The following NAV3 variants were observed in gnomAD, a reference collection of about 807,000 sequenced individuals.
NAV3 encodes pore membrane and/or filament interacting like protein 1.
NAV3 carries 87 observed loss-of-function variants against 244.7 expected under a neutral mutation model. The ratio of observed to expected loss-of-function variants is 0.36; its 90% CI spans 0.30 to 0.42. NAV3 has a LOEUF of 0.42. NAV3 is among the 20% of genes least tolerant of loss of function. NAV3 has a pLI of 1.00. For missense variants in NAV3, 2,663 were observed against 2,893.3 expected (o/e 0.92, Z 1.83); for synonymous variants, 1,126 against 1,042.2 (o/e 1.08, Z -1.55).
At chr12:77,917,807 C>T (rs556538031) in intron 1 of NAV3, among the ~76,000 whole-genome samples, 2 of 152,110 alleles carry the variant, frequency 1.3e-5, no homozygotes, top group East Asian at 3.9e-4. Flanking sequence ...AACGTTTCAG[C>T]CCATAGCCCC....
chr12:77,726,063 T>C (rs987115186), intron 2 of NAV3, among the ~76,000 whole-genome samples: 6 of 85,836 alleles, frequency 7.0e-5, no homozygotes, highest in Admixed American at 2.3e-4. Flanking sequence ...GGTCAACCGA[T>C]TAGCAATCTT....
Position 77,837,688 on chromosome 12 carries a change from G to C in NAV3, c.243+5984G>C, listed in dbSNP as rs562681165. Among the ~76,000 whole-genome samples, 4 of 152,202 alleles carry C rather than the reference G, an allele frequency of 2.6e-5. No individual in the cohort carries two copies. The East Asian group carries it at 7.7e-4, about 29-fold the overall frequency. On this transcript the variant is annotated intron_variant, in intron 1 of 39. Transcript: ENST00000397909. Reference sequence around the variant, plus strand: ...CACTGCAGCAATAAATACTTCTTTCGGGGTTAGGGAAAGGGAAGGAGGACT... The same window carrying C: ...CACTGCAGCAATAAATACTTCTTTCCGGGTTAGGGAAAGGGAAGGAGGACT...
At chr12:77,986,609 A>G (rs1218666669) in intron 5 of NAV3, among the ~76,000 whole-genome samples, 1 of 152,060 alleles carries the variant, frequency 6.6e-6, no homozygotes, top group East Asian at 1.9e-4. Context: ...TTGAGGTTGA[A>G]AACTAAAACT....
At chr12:77,612,005 T>C (rs1031792065) in intron 2 of NAV3, among the ~76,000 whole-genome samples, 38 of 152,202 alleles carry the variant, frequency 2.5e-4, no homozygotes, top group African/African-American at 8.7e-4. Flanking sequence ...TGGGGAAGTA[T>C]TTATTCTTAT....
intron 2 of NAV3, among the ~76,000 whole-genome samples, chr12:77,819,371 G>T (rs1019395023): frequency 6.6e-6 from 1 of 150,586 alleles, no homozygotes; most frequent in Non-Finnish European, 1.5e-5. Flanking sequence ...TTTAAGCTGA[G>T]GTCCCTCAGG....
At position 77,742,479 on chromosome 12, in the gene NAV3, G is replaced by A. The variant is rs972515738; in HGVS notation, c.72+170213G>A. Among the ~76,000 whole-genome samples the A allele has an allele frequency of 2.6e-5, 4 of 152,010 alleles. No individual in the cohort carries two copies. The East Asian group carries it at 7.7e-4, about 29-fold the overall frequency. ...AGATTTGTGACAGTTTGAAAAAATT[G>A]CAGATGAACCACATAGATTAGAAAT... On this transcript the variant is annotated intron_variant, in intron 2 of 8. Coordinates refer to the NAV3 transcript ENST00000550042.
At chr12:78,193,099 T>C (rs893646526) in intron 34 of NAV3, among the ~76,000 whole-genome samples, 2 of 152,284 alleles carry the variant, frequency 1.3e-5, no homozygotes, top group African/African-American at 4.8e-5. Context: ...GTGCCATAGA[T>C]AGCACTGAAG....
chr12:77,657,404 C>G (rs1266625080), intron 2 of NAV3, among the ~76,000 whole-genome samples: 1 of 151,994 alleles, frequency 6.6e-6, no homozygotes, highest in African/African-American at 2.4e-5. Flanking sequence ...AAGACTAAAC[C>G]AGGAAGAAGT....
chr12:77,751,265 T>A lies in NAV3; in HGVS notation c.72+178999T>A, dbSNP rs569609146. 2.0e-4 allele frequency among the ~76,000 whole-genome samples: 30 copies of A among 152,352 alleles called. No individual in the cohort carries two copies. The South Asian group carries it at 6.2e-3, about 32-fold the overall frequency. ...CAAAAATACTAGCCTCTTTGTAGCC[T>A]CTTTTCGTAGAGCTATCTTTGAAAG... On this transcript the variant is annotated intron_variant, in intron 2 of 8. Coordinates refer to the NAV3 transcript ENST00000550042.
chr12:77,858,264 T>C (rs906924377), intron 1 of NAV3, among the ~76,000 whole-genome samples: 1 of 151,378 alleles, frequency 6.6e-6, no homozygotes, highest in African/African-American at 2.4e-5. Flanking sequence ...TCATGGGAGG[T>C]GGAAAACATG....
At chr12:77,829,002 A>G (rs780997515), upstream of NAV3, among the ~76,000 whole-genome samples, 2 of 152,246 alleles carry the variant, frequency 1.3e-5, no homozygotes, top group Non-Finnish European at 2.9e-5. Context: ...GTCAGCGTAG[A>G]ATTATAACCT....
At chr12:77,774,645 T>G (rs1370640029) in intron 2 of NAV3, among the ~76,000 whole-genome samples, 1 of 152,138 alleles carries the variant, frequency 6.6e-6, no homozygotes, top group African/African-American at 2.4e-5. Context: ...CAAGTACTTA[T>G]GTAGGGGACT....
At chr12:77,994,496 A>AT (rs894697796) in intron 5 of NAV3, among the ~76,000 whole-genome samples, 2 of 152,130 alleles carry the variant, frequency 1.3e-5, no homozygotes, top group African/African-American at 4.8e-5. Context: ...ACAAGGTTGA[A>AT]TTTTTTTATA....
intron 12 of NAV3, among the ~76,000 whole-genome samples, chr12:78,068,211 A>G (rs1202965899): frequency 1.3e-5 from 2 of 152,000 alleles, no homozygotes; most frequent in Admixed American, 1.3e-4. Context: ...TAATTCTTAC[A>G]TCAAGTAGCT....
chr12:77,615,578 A>G (rs1360646673), intron 2 of NAV3, among the ~76,000 whole-genome samples: 40 of 152,134 alleles, frequency 2.6e-4, no homozygotes. Flanking sequence ...ATAGTATCCC[A>G]TTGTGTATAT....
chr12:78,051,484 T>C (rs1882752888), intron 11 of NAV3, among the ~76,000 whole-genome samples: 1 of 152,162 alleles, frequency 6.6e-6, no homozygotes, highest in African/African-American at 2.4e-5. Flanking sequence ...TTTGCTGATT[T>C]GCTTGATTTT....
intron 2 of NAV3, among the ~76,000 whole-genome samples, chr12:77,791,080 G>T (rs756593665): frequency 5.3e-5 from 8 of 152,150 alleles, no homozygotes; most frequent in Non-Finnish European, 2.9e-5. Flanking sequence ...ATTTGGCCGG[G>T]CGCGGTGGCT....
At chr12:78,007,615 G>T (rs901919343) in intron 8 of NAV3, among the ~76,000 whole-genome samples, 170 bp downstream of exon 8, 21 of 152,138 alleles carry the variant, frequency 1.4e-4, no homozygotes, top group African/African-American at 4.8e-4. Flanking sequence ...TCTGGAAAAA[G>T]ACTTCCAGTA....
chr12:77,637,823 G>A (rs1872222112), intron 2 of NAV3, among the ~76,000 whole-genome samples: 1 of 152,142 alleles, frequency 6.6e-6, no homozygotes, highest in African/African-American at 2.4e-5. Flanking sequence ...AGAAACTGAT[G>A]TATGCTAGCC....
Sources: gnomAD v4.1 joint callset for allele counts (sites outside exome capture counted in the v4.1 genomes callset) on GRCh38, gnomAD v4.1.1 for gene constraint, MANE v1.5 for transcripts, NCBI Gene and HGNC (gene_info 2026-07-23, HGNC 2026-07-21) for gene names.